MIOS: variants seen among roughly 807,000 people sequenced by gnomAD.
MIOS encodes meiosis regulator for oocyte development, also known as GATOR2 complex protein MIOS.
A neutral mutation model predicts 96.9 loss-of-function variants in MIOS; 52 were observed. The ratio of observed to expected loss-of-function variants is 0.54; its 90% CI spans 0.43 to 0.68. The LOEUF (loss-of-function observed/expected upper bound fraction) is 0.68. Among genes scored for constraint, MIOS ranks in the 30% least tolerant of loss-of-function variants. MIOS has a pLI of 0.00. For synonymous variants in MIOS, 397 were observed against 359.5 expected (o/e 1.10, Z -1.18); for missense variants, 1,005 against 1,052.8 (o/e 0.95, Z 0.63).
At chr7:7,575,344 G>A (rs562800346) in intron 5 of MIOS, among the ~76,000 whole-genome samples, 2 of 151,970 alleles carry the variant, frequency 1.3e-5, no homozygotes, top group East Asian at 1.9e-4. Context: ...AATTACTTTG[G>A]TTCACTTTAC....
intron 11 of MIOS, among the ~76,000 whole-genome samples, chr7:7,599,303 G>C (rs1265767287): frequency 1.3e-5 from 2 of 152,098 alleles, no homozygotes; most frequent in Non-Finnish European, 2.9e-5. Context: ...TTTGATTACA[G>C]GGTGCTTTAG....
chr7:7,597,379 T>TA (rs1784234429), intron 11 of MIOS, among the ~76,000 whole-genome samples: 1 of 144,396 alleles, frequency 6.9e-6, no homozygotes, highest in African/African-American at 2.5e-5. Flanking sequence ...AATAAGAAAA[T>TA]ACATAGAGAA....
chr7:7,582,962 TG>T (rs1783777404), intron 5 of MIOS, 155 bp from the exon 6 acceptor site: 1 of 844,994 alleles, frequency 1.2e-6, no homozygotes, highest in African/African-American at 1.7e-5. Context: ...ATGCAAAATA[TG>T]TTGTATTTGT....
At chr7:7,580,896 G>A (rs1258443339) in intron 5 of MIOS, among the ~76,000 whole-genome samples, 1 of 149,638 alleles carries the variant, frequency 6.7e-6, no homozygotes, top group Non-Finnish European at 1.5e-5. Context: ...CATGTTGGCT[G>A]GGCTGTTCTC....
At chr7:7,571,377 C>G (rs930124362) in intron 3 of MIOS, among the ~76,000 whole-genome samples, 7 of 152,172 alleles carry the variant, frequency 4.6e-5, no homozygotes, top group Admixed American at 6.6e-5. Flanking sequence ...GAAAGAGCCT[C>G]TAATGATCAC....
intron 11 of MIOS, among the ~76,000 whole-genome samples, chr7:7,602,104 A>G (rs375103712): frequency 2.0e-5 from 3 of 152,314 alleles, no homozygotes; most frequent in African/African-American, 7.2e-5. Context: ...TGACACACCC[A>G]CAGCCAATAT....
chr7:7,597,496 A>G (rs867741243), intron 11 of MIOS, among the ~76,000 whole-genome samples: 2 of 67,022 alleles, frequency 3.0e-5, no homozygotes, highest in African/African-American at 1.2e-4. Flanking sequence ...ATATATATAT[A>G]TATATATATA....
chr7:7,570,201 A>T (rs1313468721), intron 3 of MIOS, among the ~76,000 whole-genome samples: 2 of 152,222 alleles, frequency 1.3e-5, no homozygotes, highest in Non-Finnish European at 2.9e-5. Flanking sequence ...GAGGCTTGAG[A>T]CTATCCTCTG....
intron 5 of MIOS, among the ~76,000 whole-genome samples, chr7:7,582,351 G>A (rs73055730): frequency 6.6e-6 from 1 of 152,220 alleles, no homozygotes; most frequent in Non-Finnish European, 1.5e-5. Context: ...TGTTATTATA[G>A]TTCTTAAGTG....
In MIOS at chr7:7,574,124, G is replaced by T; in HGVS notation, c.1321G>T (p.Asp441Tyr). The T allele has an allele frequency of 6.2e-7, 1 of 1,610,472 alleles. No homozygotes were observed. The highest frequency in any genetic ancestry group is 8.5e-7 in the Non-Finnish European group (1 of 1,177,826). The change falls in exon 5 of 13, where the codon GAT becomes TAT. Residue 441 changes from aspartate to tyrosine, a missense_variant. Asp to Tyr is a radical substitution (Grantham distance 160). This residue lies in a region of MIOS where 865 missense variants were observed against 887.9 expected (regional missense o/e 0.97). Transcript: ENST00000340080. ...TATGAAGCAATACACAGAAGATATG[G>T]ATCAGAAATCTCCAGGCAACAAAGG... ...HFMKQYTEDM[D>Y]QKSPGNKGSL...
chr7:7,576,286 C>T (rs906275019), intron 5 of MIOS, among the ~76,000 whole-genome samples: 2 of 152,138 alleles, frequency 1.3e-5, no homozygotes, highest in Non-Finnish European at 2.9e-5. Flanking sequence ...ACATAACTCT[C>T]AAGAAGATAC....
chr7:7,607,061 A>T lies in MIOS; in HGVS notation c.2597A>T (p.Asn866Ile). 1.2e-6 allele frequency: 2 copies of T among 1,612,940 alleles called. No homozygotes were observed. The highest frequency in any genetic ancestry group is 1.7e-6 in the Non-Finnish European group (2 of 1,179,306). ...TGTATGCAGTTGGATACAACAGGGA[A>T]TCTGGTACCTGCAGAGACTGTCCAG... ...CKCMQLDTTG[N>I]LVPAETVQP Residue 866 changes from asparagine to isoleucine, a missense_variant, in exon 13 of 13, where the codon AAT becomes ATT. Physicochemically the swap from Asn to Ile is moderately radical, Grantham distance 149. Around this residue, in one of 3 missense-constraint regions of MIOS, gnomAD observed 865 missense variants for 887.9 expected, o/e 0.97. Coordinates refer to ENST00000340080, the MANE Select transcript of MIOS (RefSeq NM_019005.4).
Position 7,606,870 on chromosome 7 carries a change from G to A in MIOS, c.2532-126G>A. 5.7e-6 allele frequency: 4 copies of A among 703,938 alleles called. No homozygotes were observed. The South Asian group carries it at 7.0e-5, about 12-fold the overall frequency. The allele number at this position is 703,938 out of a possible 1,614,324, so 43.6% of individuals were successfully genotyped here. A position where few individuals can be genotyped will look rare whatever the true frequency, so the allele number is the denominator to read the frequency against. ...GGAGGCTGAGGCAGGAGGATCACTTGAGCCCAAAAGTGTGCGTACAGCCTG... is the reference window on the plus strand; with the variant it reads ...GGAGGCTGAGGCAGGAGGATCACTTAAGCCCAAAAGTGTGCGTACAGCCTG... On this transcript the variant is annotated intron_variant, in intron 12 of 12. Transcript: ENST00000340080.
At chr7:7,592,687 C>T (rs150242357) in intron 9 of MIOS, among the ~76,000 whole-genome samples, 1,897 of 152,140 alleles carry the variant, frequency 0.012, 45 homozygotes, top group African/African-American at 0.042. Context: ...GCCTAGATCC[C>T]TCACATGTGC....
In MIOS at chr7:7,573,898, T is replaced by A; in HGVS notation, c.1294+129T>A. 1 of 1,049,456 alleles carries A rather than the reference T, an allele frequency of 9.5e-7. No homozygotes were observed. The highest frequency in any genetic ancestry group is 1.4e-6 in the Non-Finnish European group (1 of 729,306). The allele number at this position is 1,049,456 out of a possible 1,614,324, so 65.0% of individuals were successfully genotyped here. ...TACAAGTTACATAATACTAACATTA[T>A]AAAGTAAAATTGTTCTAAACTTTCG... is the stretch of plus-strand genomic sequence containing the variant. On this transcript the variant is annotated intron_variant, in intron 4 of 12. Coordinates refer to ENST00000340080, the MANE Select transcript of MIOS (RefSeq NM_019005.4). This position sits in a 1 kb window ranked among gnomAD's most constrained non-coding sequence, Gnocchi z 5.0.
At chr7:7,587,264 C>G (rs770124222) in intron 7 of MIOS, among the ~76,000 whole-genome samples, 5 of 152,086 alleles carry the variant, frequency 3.3e-5, no homozygotes, top group Non-Finnish European at 7.4e-5. Flanking sequence ...GAATGATCCA[C>G]CTGACTTGGC....
chr7:7,585,874 A>T (rs1783871704), intron 7 of MIOS, 69 bp downstream of exon 7: 1 of 1,310,498 alleles, frequency 7.6e-7, no homozygotes. Context: ...CTTTATTAAA[A>T]TTTTCAAATG....
In MIOS at chr7:7,573,490, A is replaced by C. The variant is rs375079565; in HGVS notation, c.1015A>C (p.Ile339Leu). 4 of 1,614,018 alleles carry C rather than the reference A, an allele frequency of 2.5e-6. No homozygotes were observed. The African/African-American group carries it at 5.3e-5, about 22-fold the overall frequency. ...GCATCCAACAAGTCAAAATCGAATG[A>C]TAGTTGTAACTCCCAACCGAACAAT... is the stretch of plus-strand genomic sequence containing the variant. ...AWHPTSQNRM[I>L]VVTPNRTMSD... The change falls in exon 4 of 13, where the codon ATA (isoleucine) becomes CTA (leucine). Residue 339 changes from isoleucine to leucine, a missense_variant. Ile to Leu is a conservative substitution (Grantham distance 5). Around this residue, in one of 3 missense-constraint regions of MIOS, gnomAD observed 865 missense variants for 887.9 expected, o/e 0.97. Coordinates refer to ENST00000340080, the MANE Select transcript of MIOS (RefSeq NM_019005.4). The surrounding 1 kb of genome is among the most constrained non-coding windows in gnomAD (Gnocchi z 5.0).
intron 5 of MIOS, among the ~76,000 whole-genome samples, chr7:7,575,255 C>T (rs1399096832): frequency 1.3e-5 from 2 of 151,950 alleles, no homozygotes; most frequent in South Asian, 2.1e-4. Flanking sequence ...AAACAAAATA[C>T]AAAATAATAA....
Sources: allele counts gnomAD v4.1 joint callset (sites outside exome capture counted in the v4.1 genomes callset), GRCh38; gene constraint gnomAD v4.1.1; regional missense constraint gnomAD v4.1.1; non-coding constraint Gnocchi (gnomAD v3.1); transcripts MANE v1.5; gene names NCBI Gene and HGNC (gene_info 2026-07-23, HGNC 2026-07-21).